SPATA31H1: variants seen among roughly 807,000 people sequenced by gnomAD.
The protein encoded by SPATA31H1 is spermatogenesis-associated protein 31H1.
At chr2:27,578,562 T>G in the SPATA31H1 span, 1 of 1,613,918 alleles carries the variant, frequency 6.2e-7, no homozygotes, top group Non-Finnish European at 8.5e-7. Flanking sequence ...AGAATTAACC[T>G]CACCGCAAAC....
At chr2:27,555,843 T>G in the SPATA31H1 span, among the ~76,000 whole-genome samples, 2 of 151,590 alleles carry the variant, frequency 1.3e-5, no homozygotes, top group African/African-American at 2.4e-5. Context: ...TTAAGACCCA[T>G]TGTGTTAGGG....
At chr2:27,570,250 T>C in the SPATA31H1 span, 6 of 398,676 alleles carry the variant, frequency 1.5e-5, no homozygotes, top group African/African-American at 1.2e-4. Context: ...GGGACACATA[T>C]TGAAGATATG....
At chr2:27,578,983 C>A in the SPATA31H1 span, 1 of 1,614,112 alleles carries the variant, frequency 6.2e-7, no homozygotes, top group Non-Finnish European at 8.5e-7. Context: ...TCCGATAAGA[C>A]AGCTAACATT....
the SPATA31H1 span, among the ~76,000 whole-genome samples, chr2:27,560,018 C>G: frequency 6.6e-6 from 1 of 152,016 alleles, no homozygotes; most frequent in Non-Finnish European, 1.5e-5. Context: ...CAGGCGCGCA[C>G]CACCATGCCT....
chr2:27,577,080 A>T, the SPATA31H1 span: 3 of 1,614,198 alleles, frequency 1.9e-6, no homozygotes, highest in Non-Finnish European at 2.5e-6. This position sits in a 1 kb window ranked among gnomAD's most constrained non-coding sequence, Gnocchi z 4.5. Context: ...ATTGGCATAT[A>T]AAGGCATAGA....
At chr2:27,556,088 CGCCACTGCACTCCAGCATGCTGACGA>C in the SPATA31H1 span, among the ~76,000 whole-genome samples, 1 of 147,054 alleles carries the variant, frequency 6.8e-6, no homozygotes, top group Non-Finnish European at 1.5e-5. Context: ...GCCGAGATCG[CGCCACTGCACTCCAGCATGCTGACGA>C]GCTGGACAAG....
the SPATA31H1 span, among the ~76,000 whole-genome samples, chr2:27,556,759 G>T: frequency 7.5e-6 from 1 of 132,798 alleles, no homozygotes; most frequent in Non-Finnish European, 1.6e-5. Flanking sequence ...CGCAGAGGGG[G>T]ATTTGGCAGG....
the SPATA31H1 span, chr2:27,581,110 G>A: frequency 3.4e-5 from 55 of 1,614,040 alleles, no homozygotes; most frequent in East Asian, 4.5e-5. Flanking sequence ...GTTCAGGCCC[G>A]AGGAAGAATC....
chr2:27,576,585 C>A, the SPATA31H1 span: 1 of 1,578,192 alleles, frequency 6.3e-7, no homozygotes, highest in Non-Finnish European at 8.6e-7. Flanking sequence ...GGAGCTGACA[C>A]CAGGGGCCCA....
chr2:27,537,543 G>T, the SPATA31H1 span: 1 of 717,364 alleles, frequency 1.4e-6, no homozygotes, highest in Admixed American at 2.0e-5. Context: ...GGAGCTGGAA[G>T]CAGGTGGCAG....
At chr2:27,578,321 AG>A in the SPATA31H1 span, 2 of 1,614,092 alleles carry the variant, frequency 1.2e-6, no homozygotes, top group Non-Finnish European at 1.7e-6. Context: ...TGGAGTTGAC[AG>A]GGTTTCAAAT....
the SPATA31H1 span, among the ~76,000 whole-genome samples, chr2:27,565,824 A>G: frequency 6.6e-4 from 101 of 152,312 alleles, no homozygotes; most frequent in African/African-American, 2.3e-3. Flanking sequence ...TATTCTTCCC[A>G]AAGTATATAG....
chr2:27,554,081 TTCTC>T, the SPATA31H1 span, among the ~76,000 whole-genome samples: 1 of 152,056 alleles, frequency 6.6e-6, no homozygotes, highest in African/African-American at 2.4e-5. Flanking sequence ...TGTTCCTTAT[TTCTC>T]TCTGAGACCT....
the SPATA31H1 span, chr2:27,568,608 C>A: frequency 2.5e-6 from 1 of 398,836 alleles, no homozygotes; most frequent in Admixed American, 4.4e-5. Flanking sequence ...TCTGGTCCTA[C>A]CACCAGAGTT....
the SPATA31H1 span, among the ~76,000 whole-genome samples, chr2:27,542,025 A>G: frequency 6.6e-6 from 1 of 151,976 alleles, no homozygotes; most frequent in Non-Finnish European, 1.5e-5. Context: ...CACACACCTC[A>G]GCCTTCCAAA....
chr2:27,571,294 T>C, the SPATA31H1 span: 8 of 398,248 alleles, frequency 2.0e-5, no homozygotes, highest in African/African-American at 1.0e-4. Context: ...TTGGAAGATA[T>C]GAAATCTGTG....
chr2:27,563,385 C>CTTTTT, the SPATA31H1 span, among the ~76,000 whole-genome samples: 152 of 68,728 alleles, frequency 2.2e-3, 39 homozygotes, highest in East Asian at 0.013. Context: ...TCTTCTACTT[C>CTTTTT]TTTTTTTTTT....
the SPATA31H1 span, among the ~76,000 whole-genome samples, chr2:27,540,128 G>A: frequency 2.1e-4 from 21 of 98,126 alleles, no homozygotes; most frequent in South Asian, 3.9e-4. Context: ...CGGGGCGGCC[G>A]GCCGGGCGGG....
At chr2:27,552,114 C>T in the SPATA31H1 span, among the ~76,000 whole-genome samples, 11 of 152,074 alleles carry the variant, frequency 7.2e-5, no homozygotes, top group East Asian at 2.1e-3. Context: ...GTGCCCAGCC[C>T]TAGACTAGCT....
Sources: gnomAD v4.1 joint callset for allele counts (sites outside exome capture counted in the v4.1 genomes callset) on GRCh38, gnomAD v4.1.1 for gene constraint, Gnocchi (gnomAD v3.1) non-coding constraint, MANE v1.5 for transcripts, NCBI Gene and HGNC (gene_info 2026-07-23, HGNC 2026-07-21) for gene names.